KCNT2: variants seen among roughly 807,000 people sequenced by gnomAD.
KCNT2 encodes potassium channel subfamily T member 2.
Under a neutral mutation model 153.8 loss-of-function variants are expected in KCNT2, and 67 were observed. The ratio of observed to expected loss-of-function variants is 0.44; its 90% CI spans 0.36 to 0.53. The LOEUF (loss-of-function observed/expected upper bound fraction) is 0.53, where lower values mean the gene tolerates loss of function less well. Among genes scored for constraint, KCNT2 ranks in the 20% least tolerant of loss-of-function variants. The pLI is 0.00. For synonymous variants in KCNT2, 500 were observed against 458.8 expected (o/e 1.09, Z -1.15); for missense variants, 975 against 1,354.8 (o/e 0.72, Z 4.40).
intron 14 of KCNT2, among the ~76,000 whole-genome samples, chr1:196,350,830 G>A (rs910557858): frequency 1.2e-4 from 19 of 152,044 alleles, no homozygotes; most frequent in Admixed American, 1.1e-3. Flanking sequence ...GGTTTTTATG[G>A]TTTTAGGTCT....
chr1:196,422,153 G>A (rs1673262892), intron 12 of KCNT2, among the ~76,000 whole-genome samples: 1 of 151,966 alleles, frequency 6.6e-6, no homozygotes, highest in East Asian at 1.9e-4. Flanking sequence ...TTTAGAAATG[G>A]ATAAGTAGTT....
intron 1 of KCNT2, among the ~76,000 whole-genome samples, chr1:196,550,244 G>C (rs1434929078): frequency 6.6e-6 from 1 of 151,782 alleles, no homozygotes; most frequent in African/African-American, 2.4e-5. Context: ...CAAAATGTAT[G>C]TGCACTTTCT....
chr1:196,342,267 G>T, intron 14 of KCNT2, 39 bp from the exon 15 acceptor site: 2 of 1,545,428 alleles, frequency 1.3e-6, no homozygotes, highest in Non-Finnish European at 1.8e-6. Context: ...CACACAAAAA[G>T]AAAACACAGT....
chr1:196,362,387 G>A (rs1667706102), intron 14 of KCNT2, among the ~76,000 whole-genome samples: 1 of 152,024 alleles, frequency 6.6e-6, no homozygotes. Context: ...GTTTAGAATT[G>A]GAGATTCTGG....
intron 22 of KCNT2, among the ~76,000 whole-genome samples, chr1:196,288,863 CA>C (rs1558105862): frequency 6.6e-6 from 1 of 152,020 alleles, no homozygotes; most frequent in Non-Finnish European, 1.5e-5. Flanking sequence ...ACAGGCAATA[CA>C]ACATACAATG....
At chr1:196,255,430 G>A (rs1263438684) in intron 26 of KCNT2, among the ~76,000 whole-genome samples, 1 of 151,716 alleles carries the variant, frequency 6.6e-6, no homozygotes, top group Non-Finnish European at 1.5e-5. Flanking sequence ...AAAGCAAGCA[G>A]AATGTGTAGA....
intron 5 of KCNT2, among the ~76,000 whole-genome samples, chr1:196,478,903 A>G (rs1436693565): frequency 1.3e-5 from 2 of 152,234 alleles, no homozygotes; most frequent in Non-Finnish European, 2.9e-5. Context: ...ACAATGTTGA[A>G]TACAATAAAG....
intron 8 of KCNT2, among the ~76,000 whole-genome samples, chr1:196,459,059 C>G (rs1676927582): frequency 6.6e-6 from 1 of 151,678 alleles, no homozygotes; most frequent in South Asian, 2.1e-4. Context: ...CTAAGAGTCC[C>G]ATGAAACATA....
rs886715430 is a variant in KCNT2, at chr1:196,326,638, A to G, written c.2276+79T>C. 3.1e-5 allele frequency: 23 copies of G among 731,940 alleles called. No homozygotes were observed. In the East Asian group the frequency reaches 6.4e-4, roughly 20 times the overall value. 45.3% of individuals were successfully genotyped at this position (731,940 alleles called of 1,614,324 possible). On this transcript the variant is annotated intron_variant, in intron 19 of 27. Transcript: ENST00000294725. ...TGATTTAAAATACTACCAGAATATT[A>G]CAGGCAATTATTTTTGATATACATT...
At chr1:196,414,675 G>A (rs1438885522) in intron 12 of KCNT2, among the ~76,000 whole-genome samples, 1 of 151,792 alleles carries the variant, frequency 6.6e-6, no homozygotes, top group Admixed American at 6.6e-5. Context: ...GAACCATGTT[G>A]AAGAGTATGT....
At chr1:196,318,187 T>A (rs1262607967) in intron 20 of KCNT2, among the ~76,000 whole-genome samples, 1 of 151,670 alleles carries the variant, frequency 6.6e-6, no homozygotes, top group East Asian at 1.9e-4. Context: ...TCCCTTTCTA[T>A]CCCTCTCTAA....
intron 8 of KCNT2, among the ~76,000 whole-genome samples, chr1:196,459,391 T>C (rs1416073679): frequency 6.7e-6 from 1 of 149,178 alleles, no homozygotes; most frequent in Non-Finnish European, 1.5e-5. Context: ...AAAAGTAAAA[T>C]AGAAATTTCA....
chr1:196,325,129 A>G lies in KCNT2; in HGVS notation c.2276+1588T>C, dbSNP rs545789534. Among the ~76,000 whole-genome samples the G allele has an allele frequency of 2.0e-4, 31 of 152,210 alleles. No individual in the cohort carries two copies. In the South Asian group the frequency reaches 6.2e-3, roughly 31 times the overall value. The stretch of plus-strand genomic sequence containing the variant: ...GAGTGAACTCCAGTCCCAGATATGA[A>G]GAGACTGATTTTTGGTAGGGAGGTT... On this transcript the variant is annotated intron_variant, in intron 19 of 27. Coordinates refer to ENST00000294725, the MANE Select transcript of KCNT2 (RefSeq NM_198503.5).
intron 27 of KCNT2, 137 bp from the exon 28 acceptor site, chr1:196,228,472 A>G: frequency 1.9e-6 from 1 of 535,744 alleles, no homozygotes; most frequent in Non-Finnish European, 3.2e-6. Flanking sequence ...CATTGGTGGT[A>G]GAACTCACTG....
intron 14 of KCNT2, among the ~76,000 whole-genome samples, chr1:196,344,176 G>A (rs1369311340): frequency 6.6e-6 from 1 of 152,098 alleles, no homozygotes; most frequent in Admixed American, 6.6e-5. Context: ...GATAAAATGA[G>A]GTAACACAAA....
intron 13 of KCNT2, among the ~76,000 whole-genome samples, chr1:196,393,317 A>T (rs770526352): frequency 6.6e-6 from 1 of 151,508 alleles, no homozygotes; most frequent in Non-Finnish European, 1.5e-5. Context: ...AAGCTAAGAG[A>T]ACTGAATATT....
chr1:196,434,428 C>T (rs977113701), intron 8 of KCNT2, among the ~76,000 whole-genome samples: 2 of 151,814 alleles, frequency 1.3e-5, no homozygotes, highest in African/African-American at 4.8e-5. Flanking sequence ...ACCTAAACTA[C>T]CAAAAAAGTC....
At chr1:196,460,872 T>C (rs952942703) in intron 8 of KCNT2, among the ~76,000 whole-genome samples, 31 of 151,782 alleles carry the variant, frequency 2.0e-4, no homozygotes, top group African/African-American at 7.0e-4. Flanking sequence ...TTCTCACTTT[T>C]TGTGACTTCG....
At chr1:196,235,457 A>G (rs1654346173) in intron 27 of KCNT2, among the ~76,000 whole-genome samples, 1 of 151,496 alleles carries the variant, frequency 6.6e-6, no homozygotes, top group Non-Finnish European at 1.5e-5. Flanking sequence ...TCATGTGTAA[A>G]TTGTAGCTTT....
Sources: allele counts gnomAD v4.1 joint callset (sites outside exome capture counted in the v4.1 genomes callset), GRCh38; gene constraint gnomAD v4.1.1; transcripts MANE v1.5; gene names NCBI Gene and HGNC (gene_info 2026-07-23, HGNC 2026-07-21).